The following USP3 variants were observed in gnomAD, a reference collection of about 807,000 sequenced individuals.
USP3 encodes the protein ubiquitin specific peptidase 3, also known as ubiquitin carboxyl-terminal hydrolase 3.
Under a neutral mutation model 72.3 loss-of-function variants are expected in USP3, and 20 were observed. That is an observed-to-expected ratio of 0.28 (90% CI 0.19 to 0.40). The LOEUF (loss-of-function observed/expected upper bound fraction) is 0.40. Among genes scored for constraint, USP3 ranks in the 10% least tolerant of loss-of-function variants. USP3 has a pLI of 1.00. For missense variants in USP3, 479 were observed against 633.9 expected, an observed-to-expected ratio of 0.76 and a Z score of 2.62; for synonymous variants, 222 against 225.3, an observed-to-expected ratio of 0.99 and a Z score of 0.13.
chr15:63,551,201 T>C (rs2066431425), intron 3 of USP3: 1 of 152,208 alleles, frequency 6.6e-6, no homozygotes, highest in Admixed American at 6.5e-5. Flanking sequence ...CTGTTGTTTA[T>C]TATCTTAAAA....
At position 63,574,889 on chromosome 15, in the gene USP3, T is replaced by C. The variant is rs1201481277; in HGVS notation, c.1096+486T>C. Among the ~76,000 whole-genome samples, 1 of 152,194 alleles carries C rather than the reference T, an allele frequency of 6.6e-6. No individual in the cohort carries two copies. The highest frequency in any genetic ancestry group is 2.4e-5 in the African/African-American group (1 of 41,450). ...TGTATTTAGGGAGATTTGAACATAT[T>C]TTTTGCTTGATGAGTACTAGCTACT... On this transcript the variant is annotated intron_variant, in intron 11 of 14. Coordinates refer to ENST00000380324, the MANE Select transcript of USP3 (RefSeq NM_006537.4). This position sits in a 1 kb window ranked among gnomAD's most constrained non-coding sequence, Gnocchi z 4.6.
chr15:63,590,995 TGTTGTTCTACC>T lies in USP3; in HGVS notation c.*170_*180del, dbSNP rs2067188140. The stretch of plus-strand genomic sequence containing the variant: ...GAACATGGGCACCAACTAATTTTGT[TGTTGTTCTACC>T]AGAAAACCTCAGCAGATGTTTTGAT... On this transcript the variant is annotated 3_prime_UTR_variant, in exon 15 of 15. Transcript: ENST00000380324. 1 of 780,412 alleles carries T rather than the reference TGTTGTTCTACC, an allele frequency of 1.3e-6. No individual in the cohort carries two copies. Among genetic ancestry groups the T allele is most frequent in the Admixed American group, 4.0e-5 (1 of 24,902 alleles). The allele number at this position is 780,412 out of a possible 1,614,324, so 48.3% of individuals were successfully genotyped here. A position where few individuals can be genotyped will look rare whatever the true frequency, so the allele number is the denominator to read the frequency against.
intron 11 of USP3, among the ~76,000 whole-genome samples, chr15:63,577,704 A>G (rs998668169): frequency 5.9e-5 from 9 of 152,188 alleles, no homozygotes; most frequent in South Asian, 2.1e-4. Flanking sequence ...GTGAGCTGAA[A>G]TCGTGCAACC....
chr15:63,546,844 G>A (rs62011335), intron 3 of USP3, among the ~76,000 whole-genome samples: 18,703 of 152,110 alleles, frequency 0.12, 1,585 homozygotes, highest in South Asian at 0.19. Context: ...TCCTGACCTC[G>A]TGATCTGCCC....
Position 63,532,726 on chromosome 15 carries a change from A to G in USP3, c.152+19A>G, listed in dbSNP as rs1465626399. On this transcript the variant is annotated intron_variant, in intron 2 of 14. Transcript: ENST00000380324. ...GTGGAAGGTAGGTGACATACTTATTACTTCACTGACCTATTTGCTTTTTAA... is the reference window on the plus strand; with the variant it reads ...GTGGAAGGTAGGTGACATACTTATTGCTTCACTGACCTATTTGCTTTTTAA... The G allele has an allele frequency of 6.2e-7, 1 of 1,613,296 alleles. No individual in the cohort carries two copies. The highest frequency in any genetic ancestry group is 2.2e-5 in the East Asian group (1 of 44,862).
intron 2 of USP3, chr15:63,534,030 C>A: frequency 3.9e-6 from 1 of 255,814 alleles, no homozygotes; most frequent in Non-Finnish European, 6.2e-6. Context: ...CTGACAAACT[C>A]AAAAATTAGA....
intron 1 of USP3, chr15:63,530,665 T>C: frequency 2.5e-6 from 1 of 402,330 alleles, no homozygotes; most frequent in Non-Finnish European, 4.9e-6. Flanking sequence ...AGAAACAAAA[T>C]ATTCATAATA....
chr15:63,559,465 T>A (rs1211341386), intron 6 of USP3, among the ~76,000 whole-genome samples: 1 of 152,200 alleles, frequency 6.6e-6, no homozygotes, highest in Non-Finnish European at 1.5e-5. Context: ...TCCTTAGGAT[T>A]CTGTATAGTG....
chr15:63,564,423 A>G (rs372860132), intron 8 of USP3, among the ~76,000 whole-genome samples: 2 of 152,210 alleles, frequency 1.3e-5, no homozygotes, highest in African/African-American at 2.4e-5. Context: ...TGATTTGCCC[A>G]CATACCTTGA....
chr15:63,584,598 AT>A (rs1309490905), intron 11 of USP3, among the ~76,000 whole-genome samples: 36 of 152,278 alleles, frequency 2.4e-4, no homozygotes, highest in Non-Finnish European at 4.7e-4. Context: ...AGAAAAGTCT[AT>A]TAAAGTCCTT....
intron 1 of USP3, among the ~76,000 whole-genome samples, chr15:63,518,992 C>G (rs1196088992): frequency 6.6e-6 from 1 of 152,180 alleles, no homozygotes; most frequent in African/African-American, 2.4e-5. Flanking sequence ...GTCTGGATCT[C>G]TTGACCTCAT....
intron 1 of USP3, 73 bp from the exon 2 acceptor site, chr15:63,532,574 T>C (rs1250462904): frequency 8.9e-6 from 14 of 1,565,634 alleles, no homozygotes; most frequent in South Asian, 2.2e-5. Context: ...TATAACTTAA[T>C]CACAGGAAAA....
chr15:63,540,615 C>G (rs2066230818), intron 3 of USP3, among the ~76,000 whole-genome samples: 1 of 152,180 alleles, frequency 6.6e-6, no homozygotes, highest in Non-Finnish European at 1.5e-5. Flanking sequence ...TACTTCATTT[C>G]CCTCCCAAGA....
rs571311701 is a variant in USP3 at position 63,579,280 on chromosome 15, T to G, written c.1096+4877T>G. 9.5e-4 allele frequency among the ~76,000 whole-genome samples: 145 copies of G among 152,352 alleles called. 2 individuals carry two copies. The South Asian group carries it at 0.025, about 27-fold the overall frequency. ...ATTACTCCCTACATTTATTCTGATT[T>G]ATTCAAAAATTCCTCTGTACGCAGA... On this transcript the variant is annotated intron_variant, in intron 11 of 14. Coordinates refer to ENST00000380324, the MANE Select transcript of USP3 (RefSeq NM_006537.4).
intron 2 of USP3, among the ~76,000 whole-genome samples, chr15:63,536,684 TA>T (rs1236998214): frequency 6.8e-6 from 1 of 146,286 alleles, no homozygotes; most frequent in Admixed American, 6.8e-5. Context: ...CCATCTCTAT[TA>T]AAAATACAAA....
rs144644628 is a variant in USP3, at chr15:63,590,240, G to GGACT, written c.1398-416_1398-413dup. 5.0e-3 allele frequency among the ~76,000 whole-genome samples: 761 copies of GGACT among 152,290 alleles called. 11 individuals are homozygous for GGACT. The highest frequency in any genetic ancestry group is 0.018 in the African/African-American group (733 of 41,558). On this transcript the variant is annotated intron_variant, in intron 14 of 14. Coordinates refer to ENST00000380324, the MANE Select transcript of USP3 (RefSeq NM_006537.4). ...CTGCAGGCCTTCCGTCTGACTTGGA[G>GGACT]GACTGACTCCAGGGTTGTGTGTGTG... is the stretch of plus-strand genomic sequence containing the variant.
intron 7 of USP3, among the ~76,000 whole-genome samples, chr15:63,560,402 C>T (rs1278780027): frequency 2.8e-5 from 4 of 142,440 alleles, no homozygotes; most frequent in African/African-American, 5.2e-5. Context: ...GGTGACAGGG[C>T]GAGACTCCAT....
At chr15:63,512,416 TTTCTTTTTCTTTCTTCTTTCTTCC>T (rs1019529774) in intron 1 of USP3, among the ~76,000 whole-genome samples, 3 of 149,916 alleles carry the variant, frequency 2.0e-5, no homozygotes, top group Non-Finnish European at 4.5e-5. Flanking sequence ...TTCTTTCTTC[TTTCTTTTTCTTTCTTCTTTCTTCC>T]TTCTTTTTCT....
At chr15:63,568,942 G>T (rs1162643286) in intron 8 of USP3, among the ~76,000 whole-genome samples, 2 of 152,132 alleles carry the variant, frequency 1.3e-5, no homozygotes, top group Non-Finnish European at 2.9e-5. Flanking sequence ...GAAAATCACG[G>T]TATGGTTGGA....
Sources: allele counts gnomAD v4.1 joint callset (sites outside exome capture counted in the v4.1 genomes callset), GRCh38; gene constraint gnomAD v4.1.1; non-coding constraint Gnocchi (gnomAD v3.1); transcripts MANE v1.5; gene names NCBI Gene and HGNC (gene_info 2026-07-23, HGNC 2026-07-21).